The following STS variants were observed in gnomAD, a reference collection of about 807,000 sequenced individuals.
STS encodes steroid sulfatase.
STS carries 7 observed loss-of-function variants against 26.8 expected under a neutral mutation model. The observed-to-expected ratio is 0.26, with a 90% confidence interval of 0.15 to 0.49. The LOEUF (loss-of-function observed/expected upper bound fraction) is 0.49. STS is among the 20% of genes least tolerant of loss of function. The probability of loss-of-function intolerance (pLI) is 0.98; values close to 1 mark genes in which losing one functional copy is unlikely to be tolerated. For synonymous variants in STS, 199 were observed against 189.4 expected, an observed-to-expected ratio of 1.05 and a Z score of -0.42; for missense variants, 434 against 465.6, an observed-to-expected ratio of 0.93 and a Z score of 0.63.
rs1400446416 is a variant in STS at position 7,275,963 on chromosome X, T to C, written c.819T>C (p.Thr273=). 66 of 1,093,125 alleles carry C rather than the reference T, an allele frequency of 6.0e-5. No homozygotes were observed. Among genetic ancestry groups the C allele is most frequent in the Non-Finnish European group, 8.2e-5 (66 of 809,563 alleles). 90.1% of individuals were successfully genotyped at this position (1,093,125 alleles called of 1,213,427 possible). Residue 273 remains threonine, a synonymous_variant, in exon 7 of 11, where the codon ACT becomes ACC. Transcript: ENST00000674429. ...TTTTTTTTTGCAGGAACACTGAGAC[T>C]CCGTTCCTGCTTGTCTTGTCCTACC... ...AAQFIQRNTE[T]PFLLVLSYLH... is the part of the protein sequence containing the mutation.
At chrX:7,288,590 G>A (rs1235017615) in intron 7 of STS, among the ~76,000 whole-genome samples, 1 of 108,610 alleles carries the variant, frequency 9.2e-6, no homozygotes, top group African/African-American at 3.4e-5. Context: ...ATATGTATAT[G>A]GCTTCATGCT....
chrX:7,265,918 A>G (rs1197050455), intron 6 of STS, among the ~76,000 whole-genome samples: 1 of 112,353 alleles, frequency 8.9e-6, no homozygotes, highest in African/African-American at 3.2e-5. Context: ...GAATCCTAAC[A>G]TTGGTGACAC....
chrX:7,291,045 T>C (rs1297322327), intron 7 of STS, among the ~76,000 whole-genome samples: 4 of 111,823 alleles, frequency 3.6e-5, no homozygotes, highest in Non-Finnish European at 7.5e-5. Context: ...ATTTCGTGTG[T>C]TCGAGTCTTG....
At chrX:7,188,935 G>A (rs1228811806) in intron 1 of STS, among the ~76,000 whole-genome samples, 1 of 110,996 alleles carries the variant, frequency 9.0e-6, no homozygotes, top group Non-Finnish European at 1.9e-5. Flanking sequence ...AATGTTGACA[G>A]CACACTATTC....
At chrX:7,245,581 T>G (rs1181543862) in intron 2 of STS, among the ~76,000 whole-genome samples, 1 of 112,341 alleles carries the variant, frequency 8.9e-6, no homozygotes, top group Non-Finnish European at 1.9e-5. Flanking sequence ...CTATTTAATG[T>G]GTGCGAAGCA....
intron 2 of STS, among the ~76,000 whole-genome samples, chrX:7,226,571 A>C (rs1388473489): frequency 9.0e-6 from 1 of 111,712 alleles, no homozygotes; most frequent in African/African-American, 3.3e-5. Flanking sequence ...AAACGTTTGC[A>C]TGAGTTTACA....
chrX:7,204,090 T>A (rs766727371), intron 2 of STS, among the ~76,000 whole-genome samples: 1 of 112,309 alleles, frequency 8.9e-6, no homozygotes, highest in African/African-American at 3.2e-5. Flanking sequence ...CTGGACAGAT[T>A]GTTTTTCACA....
At chrX:7,339,001 G>A (rs1928162341) in intron 10 of STS, among the ~76,000 whole-genome samples, 1 of 112,022 alleles carries the variant, frequency 8.9e-6, no homozygotes, top group African/African-American at 3.2e-5. Flanking sequence ...CTCAGTAAAT[G>A]GTTTAAAATC....
chrX:7,169,706 A>C (rs1933426012), intron 1 of STS, among the ~76,000 whole-genome samples: 1 of 112,238 alleles, frequency 8.9e-6, no homozygotes, highest in Non-Finnish European at 1.9e-5. Context: ...ATCTCCTGCC[A>C]GAACTTGTGT....
chrX:7,247,491 G>A (rs183308732), intron 2 of STS, among the ~76,000 whole-genome samples: 122 of 112,156 alleles, frequency 1.1e-3, no homozygotes, highest in African/African-American at 3.5e-3. Context: ...GCAGCTGCAC[G>A]AACATAGAGT....
At chrX:7,310,357 CTT>C (rs1255682388) in intron 8 of STS, among the ~76,000 whole-genome samples, 2 of 112,079 alleles carry the variant, frequency 1.8e-5, no homozygotes, top group East Asian at 5.6e-4. Context: ...ATCCTTAACT[CTT>C]TCTAGGAAAT....
rs189255471 is a variant in STS at position 7,314,775 on chromosome X, A to G, written c.1081+9592A>G. ...GGGCAAGATTGAAGTTGTGTGGTCA[A>G]GCGTGCTCTGCAGGAGAGAAAGGTT... is the stretch of plus-strand genomic sequence containing the variant. On this transcript the variant is annotated intron_variant, in intron 8 of 10. Coordinates refer to ENST00000674429, the MANE Select transcript of STS (RefSeq NM_001320752.2). 5.3e-5 allele frequency among the ~76,000 whole-genome samples: 6 copies of G among 112,426 alleles called. 1 individual carries two copies. The East Asian group carries it at 1.7e-3, about 32-fold the overall frequency.
intron 1 of STS, among the ~76,000 whole-genome samples, chrX:7,173,410 T>C (rs1933506042): frequency 8.9e-6 from 1 of 111,873 alleles, no homozygotes; most frequent in African/African-American, 3.3e-5. Context: ...TACACGTGCA[T>C]GTATCTTTAT....
At chrX:7,256,024 T>A (rs780182291) in intron 3 of STS, among the ~76,000 whole-genome samples, 1 of 111,448 alleles carries the variant, frequency 9.0e-6, no homozygotes, top group Admixed American at 9.6e-5. Flanking sequence ...GCTTGTCTGG[T>A]GGAGTATGGA....
chrX:7,320,833 C>G (rs1476342070), intron 8 of STS, among the ~76,000 whole-genome samples: 1 of 111,769 alleles, frequency 8.9e-6, no homozygotes, highest in South Asian at 3.8e-4. Flanking sequence ...AGAGTTTTAA[C>G]TTTCTTAGGA....
intron 2 of STS, among the ~76,000 whole-genome samples, chrX:7,205,488 G>C (rs575195736): frequency 5.4e-5 from 6 of 111,660 alleles, no homozygotes; most frequent in African/African-American, 2.0e-4. Flanking sequence ...CAAATAGTGG[G>C]CACTCAGTGT....
At chrX:7,234,381 T>A (rs774601496) in intron 2 of STS, among the ~76,000 whole-genome samples, 52 of 112,421 alleles carry the variant, frequency 4.6e-4, no homozygotes, top group Non-Finnish European at 2.8e-4. Context: ...ACATCCACCA[T>A]CATTTCCTCC....
At chrX:7,240,718 A>G (rs945487251) in intron 2 of STS, among the ~76,000 whole-genome samples, 36 of 108,365 alleles carry the variant, frequency 3.3e-4, no homozygotes, top group African/African-American at 1.2e-3. Context: ...CTTCACATCC[A>G]GGCAATTACC....
chrX:7,257,389 G>C, intron 4 of STS, 26 bp downstream of exon 4: 1 of 1,212,059 alleles, frequency 8.3e-7, no homozygotes, highest in Non-Finnish European at 1.1e-6. Flanking sequence ...CATCGCAGGG[G>C]CTGTGGTCAC....
Sources: allele counts gnomAD v4.1 joint callset (sites outside exome capture counted in the v4.1 genomes callset), GRCh38; gene constraint gnomAD v4.1.1; transcripts MANE v1.5; gene names NCBI Gene and HGNC (gene_info 2026-07-23, HGNC 2026-07-21).